Variants in SLC13A4 observed in about 807,000 individuals in gnomAD.
SLC13A4 encodes Na(+)/sulfate cotransporter SUT-1.
SLC13A4 carries 28 observed loss-of-function variants against 72.7 expected under a neutral mutation model. The ratio of observed to expected loss-of-function variants is 0.39; its 90% CI spans 0.29 to 0.53. The LOEUF is 0.53. Among genes scored for constraint, SLC13A4 ranks in the 20% least tolerant of loss-of-function variants. The pLI is 0.78. For synonymous variants in SLC13A4, 312 were observed against 325.5 expected (o/e 0.96, Z 0.45); for missense variants, 653 against 788.0 (o/e 0.83, Z 2.05).
At chr7:135,683,489 C>G (rs958806798) in intron 15 of SLC13A4, 23 of 980,708 alleles carry the variant, frequency 2.3e-5, no homozygotes, top group African/African-American at 7.2e-5. Context: ...TCCCCCCCCG[C>G]TCAGCCCTGG....
At chr7:135,684,018 AG>A in intron 15 of SLC13A4, 105 bp downstream of exon 15, 3 of 1,298,576 alleles carry the variant, frequency 2.3e-6, no homozygotes, top group Non-Finnish European at 3.1e-6. Flanking sequence ...TAGCATTGAC[AG>A]GCCAGGGACA....
At chr7:135,695,583 G>A (rs2129494228) in intron 8 of SLC13A4, 96 bp from the exon 9 acceptor site, 1 of 1,338,710 alleles carries the variant, frequency 7.5e-7, no homozygotes, top group African/African-American at 1.5e-5. Context: ...ACATACAGCT[G>A]GGCTAAGTGG....
At chr7:135,724,842 T>C (rs188266976) in intron 1 of SLC13A4, among the ~76,000 whole-genome samples, 5 of 152,348 alleles carry the variant, frequency 3.3e-5, no homozygotes, top group African/African-American at 1.2e-4. Flanking sequence ...TTTCCCCTTC[T>C]AAAGCTTCCC....
At chr7:135,713,113 T>A (rs1382480449) in intron 2 of SLC13A4, among the ~76,000 whole-genome samples, 2 of 152,174 alleles carry the variant, frequency 1.3e-5, no homozygotes, top group Non-Finnish European at 2.9e-5. Context: ...ATTTTATAAT[T>A]TCCCAGACTC....
chr7:135,697,507 C>T (rs972123355), intron 8 of SLC13A4, among the ~76,000 whole-genome samples: 12 of 152,210 alleles, frequency 7.9e-5, no homozygotes, highest in African/African-American at 2.7e-4. Flanking sequence ...AGCCAAGCCA[C>T]CGGCTGCCCT....
At chr7:135,718,119 C>T (rs1383911214) in intron 2 of SLC13A4, among the ~76,000 whole-genome samples, 1 of 119,326 alleles carries the variant, frequency 8.4e-6, no homozygotes, top group Admixed American at 8.1e-5. Context: ...GCGCTAGTCT[C>T]CTCTTCGTTC....
intron 1 of SLC13A4, 62 bp downstream of exon 1, chr7:135,727,336 A>C: frequency 6.5e-7 from 1 of 1,527,596 alleles, no homozygotes; most frequent in Non-Finnish European, 8.8e-7. Context: ...TCCCCTACCG[A>C]CCTCCCCTCT....
Position 135,727,585 on chromosome 7 carries a change from C to T in SLC13A4, c.-89G>A. ...GGGCACTGCTCTCTATCCAGAAAGA[C>T]TTCTTAAACCTTTCTTGGCTTCCGA... On this transcript the variant is annotated 5_prime_UTR_variant, in exon 1 of 16. Transcript: ENST00000682651. The T allele has an allele frequency of 7.0e-7, 1 of 1,433,462 alleles. No homozygotes were observed. Among genetic ancestry groups the T allele is most frequent in the Non-Finnish European group, 9.3e-7 (1 of 1,076,022 alleles). The allele number at this position is 1,433,462 out of a possible 1,614,324, so 88.8% of individuals were successfully genotyped here. A position where few individuals can be genotyped will look rare whatever the true frequency, so the allele number is the denominator to read the frequency against.
At chr7:135,695,580 G>A (rs149052403) in intron 8 of SLC13A4, 93 bp from the exon 9 acceptor site, 9 of 1,398,014 alleles carry the variant, frequency 6.4e-6, no homozygotes, top group African/African-American at 5.7e-5. Context: ...AAAACATACA[G>A]CTGGGCTAAG....
At chr7:135,689,514 G>A (rs1483045675) in intron 13 of SLC13A4, among the ~76,000 whole-genome samples, 20 of 152,140 alleles carry the variant, frequency 1.3e-4, no homozygotes, top group Admixed American at 1.3e-3. Context: ...GCAGTAGACT[G>A]ACCACCCCAT....
At chr7:135,692,571 G>A (rs1191413912) in intron 10 of SLC13A4, 147 bp from the exon 11 acceptor site, 5 of 608,894 alleles carry the variant, frequency 8.2e-6, no homozygotes, top group African/African-American at 5.6e-5. Context: ...ATGGCTGACA[G>A]TGAGATGAGG....
At chr7:135,725,908 G>T (rs940789750) in intron 1 of SLC13A4, among the ~76,000 whole-genome samples, 1 of 152,192 alleles carries the variant, frequency 6.6e-6, no homozygotes, top group Non-Finnish European at 1.5e-5. Context: ...GCTCAAGGCT[G>T]CAGTGAGCTA....
chr7:135,683,927 G>T, intron 15 of SLC13A4, 197 bp downstream of exon 15: 1 of 576,902 alleles, frequency 1.7e-6, no homozygotes, highest in Non-Finnish European at 2.2e-6. Flanking sequence ...GGGTTGGGGA[G>T]AGCACATTCT....
chr7:135,691,721 G>T, intron 11 of SLC13A4, 76 bp from the exon 12 acceptor site: 1 of 1,009,218 alleles, frequency 9.9e-7, no homozygotes. Context: ...GGAGCAGTCT[G>T]TCCGAACACA....
At chr7:135,685,362 A>G (rs1795597259) in intron 14 of SLC13A4, among the ~76,000 whole-genome samples, 160 bp downstream of exon 14, 1 of 152,134 alleles carries the variant, frequency 6.6e-6, no homozygotes, top group African/African-American at 2.4e-5. Flanking sequence ...CTATTTGAAA[A>G]ACTTCATTTT....
At position 135,701,751 on chromosome 7, in the gene SLC13A4, C is replaced by T; in HGVS notation, c.643G>A (p.Gly215Ser). Reference protein sequence around the residue: ...TTLMHNENLNGVPSITNPIKT... With the variant: ...TTLMHNENLNSVPSITNPIKT... The stretch of plus-strand genomic sequence containing the variant: ...ATGGGGTTGGTGATCGAGGGCACAC[C>T]ATTCAGGTTCTGTTGGGACAAAGGC... Residue 215 changes from glycine (G) to serine (S), a missense_variant, in exon 7 of 16, where the codon GGT (glycine) becomes AGT (serine). By Grantham distance (56) the Gly-to-Ser change is moderately conservative (BLOSUM62 0). Coordinates refer to ENST00000682651, the MANE Select transcript of SLC13A4 (RefSeq NM_001318192.2). The T allele has an allele frequency of 6.2e-7, 1 of 1,613,722 alleles. No homozygotes were observed. The highest frequency in any genetic ancestry group is 8.5e-7 in the Non-Finnish European group (1 of 1,179,812).
Position 135,720,323 on chromosome 7 carries a change from A to G in SLC13A4, c.228+1072T>C, listed in dbSNP as rs80149874. Among the ~76,000 whole-genome samples, 10 of 152,272 alleles carry G rather than the reference A, an allele frequency of 6.6e-5. No individual in the cohort carries two copies. In the East Asian group the frequency reaches 1.2e-3, roughly 18 times the overall value. Reference sequence around the variant, plus strand: ...TTACGGGTTTGAATCTAATTCTGCTACTTTCAGCTTTGTGATTTGGGCTGA... The same window carrying G: ...TTACGGGTTTGAATCTAATTCTGCTGCTTTCAGCTTTGTGATTTGGGCTGA... On this transcript the variant is annotated intron_variant, in intron 2 of 15. Coordinates refer to ENST00000682651, the MANE Select transcript of SLC13A4 (RefSeq NM_001318192.2).
chr7:135,706,361 A>G (rs1351186103), intron 3 of SLC13A4, 61 bp from the exon 4 acceptor site: 3 of 1,516,236 alleles, frequency 2.0e-6, no homozygotes, highest in South Asian at 1.3e-5. Context: ...GCGGCTCCAC[A>G]GTGGGCCTCC....
intron 13 of SLC13A4, 124 bp from the exon 14 acceptor site, chr7:135,685,807 C>T (rs1795609434): frequency 1.2e-6 from 1 of 831,852 alleles, no homozygotes; most frequent in Non-Finnish European, 1.9e-6. Context: ...GATCTTTAGT[C>T]TGACTGGAAC....
Sources: allele counts gnomAD v4.1 joint callset (sites outside exome capture counted in the v4.1 genomes callset), GRCh38; gene constraint gnomAD v4.1.1; transcripts MANE v1.5; gene names NCBI Gene and HGNC (gene_info 2026-07-23, HGNC 2026-07-21).